Variants in TMEM74 observed in about 807,000 individuals in gnomAD.
TMEM74 encodes the protein transmembrane protein 74.
In TMEM74, 13 loss-of-function variants were observed where a neutral mutation model predicts 18.1. The observed-to-expected ratio is 0.72, with a 90% CI of 0.47 to 1.14. TMEM74 has a LOEUF of 1.14. TMEM74 is among the 50% of genes most tolerant of loss of function. The probability of loss-of-function intolerance (pLI) is 0.00; values close to 1 mark genes in which losing one functional copy is unlikely to be tolerated. For missense variants in TMEM74, 372 were observed against 375.9 expected (o/e 0.99, Z 0.09); for synonymous variants, 159 against 146.6 (o/e 1.08, Z -0.61).
intron 1 of TMEM74, among the ~76,000 whole-genome samples, chr8:108,690,678 C>T (rs958707080): frequency 3.3e-5 from 5 of 152,058 alleles, no homozygotes; most frequent in South Asian, 4.2e-4. Context: ...AAAAATTAGC[C>T]GGGCATGGTG....
Position 108,635,935 on chromosome 8 carries a change from C to T in TMEM74, n.264+19358G>A, listed in dbSNP as rs553494706. ...CAGAGTGGCTAATTTTTGTGATGTC[C>T]TTTCCTTCATTCCTTGATAAAAGAT... On this transcript the variant is annotated intron_variant and non_coding_transcript_variant, in intron 2 of 3. Transcript: ENST00000518838. 2.6e-5 allele frequency among the ~76,000 whole-genome samples: 4 copies of T among 152,218 alleles called. No homozygotes were observed. In the South Asian group the frequency reaches 8.3e-4, roughly 32 times the overall value.
intron 1 of TMEM74, among the ~76,000 whole-genome samples, chr8:108,656,446 A>G (rs1383323883): frequency 6.6e-6 from 1 of 152,188 alleles, no homozygotes; most frequent in Admixed American, 6.5e-5. Context: ...CAGGGGGTTT[A>G]TTTAATAGTC....
At chr8:108,679,097 A>G (rs1407446305) in intron 1 of TMEM74, among the ~76,000 whole-genome samples, 1 of 152,024 alleles carries the variant, frequency 6.6e-6, no homozygotes, top group Non-Finnish European at 1.5e-5. Context: ...TTATGGCTGC[A>G]TAGTATTCCA....
rs1253392022 is a variant in TMEM74, at chr8:108,784,314, C to T, written c.785G>A (p.Arg262Gln). Residue 262 changes from arginine (R) to glutamine (Q), a missense_variant, in exon 2 of 2, where the codon CGA (arginine) becomes CAA (glutamine). Transcript: ENST00000297459. ...CTCTTTGGAAGAGGCAAATCTGTTT[C>T]GACGATAGAGCTCCCCCTTCCACAT... is the stretch of plus-strand genomic sequence containing the variant. ...MSMWKGELYRRNRFASSKESA... is the reference protein window; with the variant it reads ...MSMWKGELYRQNRFASSKESA... 1.9e-6 allele frequency: 3 copies of T among 1,613,910 alleles called. No homozygotes were observed. The highest frequency in any genetic ancestry group is 1.7e-5 in the Admixed American group (1 of 59,986).
In TMEM74 at chr8:108,781,833, C is replaced by G. The variant is rs1053114581; in HGVS notation, c.*2348G>C. On this transcript the variant is annotated 3_prime_UTR_variant, in exon 2 of 2. Coordinates refer to ENST00000297459, the MANE Select transcript of TMEM74 (RefSeq NM_153015.3). ...TCAAAATGTTACCTCTAGATCAAAT[C>G]TATATTATTTGGTAGCCCTGCAAGA... is the stretch of plus-strand genomic sequence containing the variant. Among the ~76,000 whole-genome samples, 11 of 152,152 alleles carry G rather than the reference C, an allele frequency of 7.2e-5. No homozygotes were observed. The highest frequency in any genetic ancestry group is 2.4e-4 in the African/African-American group (10 of 41,518).
intron 1 of TMEM74, among the ~76,000 whole-genome samples, chr8:108,664,858 C>T (rs79452176): frequency 0.026 from 3,907 of 152,094 alleles, 179 homozygotes; most frequent in African/African-American, 0.09. Context: ...TTTGTGTCTC[C>T]GCTATTTTGA....
In TMEM74 at chr8:108,781,527, G is replaced by A. The variant is rs1814306972; in HGVS notation, c.*2654C>T. On this transcript the variant is annotated 3_prime_UTR_variant, in exon 2 of 2. Transcript: ENST00000297459. ...CCCAGGGAAAAGTCGATTAAGGCAA[G>A]TATCTGAATAATGTCACCACAGCCC... is the stretch of plus-strand genomic sequence containing the variant. Among the ~76,000 whole-genome samples the A allele has an allele frequency of 1.3e-5, 2 of 152,172 alleles. No individual in the cohort carries two copies. The highest frequency in any genetic ancestry group is 2.9e-5 in the Non-Finnish European group (2 of 68,022).
At chr8:108,785,444 G>A (rs1030302747) in intron 1 of TMEM74, among the ~76,000 whole-genome samples, 16 of 152,126 alleles carry the variant, frequency 1.1e-4, no homozygotes, top group African/African-American at 3.4e-4. Context: ...TCAAGGACTC[G>A]CGCATTCCTG....
intron 2 of TMEM74, among the ~76,000 whole-genome samples, chr8:108,628,421 G>T (rs563864477): frequency 6.6e-6 from 1 of 152,022 alleles, no homozygotes; most frequent in East Asian, 1.9e-4. Flanking sequence ...TCTACCTGGG[G>T]TTAGTGCAGC....
chr8:108,720,742 A>G (rs1193876819), intron 1 of TMEM74, among the ~76,000 whole-genome samples: 2 of 102,194 alleles, frequency 2.0e-5, no homozygotes, highest in Admixed American at 1.2e-4. Context: ...TTATTTATTT[A>G]TTTATTTATT....
At chr8:108,674,560 A>G (rs1813034511) in intron 1 of TMEM74, among the ~76,000 whole-genome samples, 1 of 152,230 alleles carries the variant, frequency 6.6e-6, no homozygotes, top group Non-Finnish European at 1.5e-5. Flanking sequence ...GTATTACTCC[A>G]TGGAAGCTAT....
At chr8:108,787,066 T>C (rs1814394652) in intron 1 of TMEM74, among the ~76,000 whole-genome samples, 1 of 152,186 alleles carries the variant, frequency 6.6e-6, no homozygotes, top group South Asian at 2.1e-4. Context: ...CTCCCTCTTT[T>C]TCCTCTGATC....
intron 1 of TMEM74, among the ~76,000 whole-genome samples, chr8:108,764,742 A>T (rs1165609258): frequency 6.6e-6 from 1 of 152,142 alleles, no homozygotes; most frequent in Non-Finnish European, 1.5e-5. Flanking sequence ...AAGGAAGGAT[A>T]GCTCTTCTTC....
At chr8:108,770,500 T>C (rs146377568) in intron 1 of TMEM74, among the ~76,000 whole-genome samples, 298 of 152,282 alleles carry the variant, frequency 2.0e-3, no homozygotes, top group African/African-American at 6.9e-3. Flanking sequence ...ATGGATGAAG[T>C]ACAGTTCAGC....
At chr8:108,625,040 T>C (rs970126825) in intron 2 of TMEM74, among the ~76,000 whole-genome samples, 1 of 152,026 alleles carries the variant, frequency 6.6e-6, no homozygotes, top group Non-Finnish European at 1.5e-5. Flanking sequence ...CCACAGAATG[T>C]TCTGTCTTGT....
intron 2 of TMEM74, among the ~76,000 whole-genome samples, chr8:108,614,889 A>G (rs1812368469): frequency 1.3e-5 from 2 of 152,246 alleles, no homozygotes; most frequent in South Asian, 4.1e-4. Context: ...AGGTGTTAGT[A>G]GTATAATGTA....
chr8:108,675,427 G>C (rs1319821881), intron 1 of TMEM74, among the ~76,000 whole-genome samples: 1 of 152,094 alleles, frequency 6.6e-6, no homozygotes, highest in Non-Finnish European at 1.5e-5. Flanking sequence ...AGCTGCCATG[G>C]TACAATGGAC....
At chr8:108,613,704 C>T (rs1279288607) in intron 2 of TMEM74, among the ~76,000 whole-genome samples, 1 of 152,184 alleles carries the variant, frequency 6.6e-6, no homozygotes, top group Non-Finnish European at 1.5e-5. Flanking sequence ...GCCAAGAGGT[C>T]TGAATTCACT....
chr8:108,718,013 C>T lies in TMEM74; in HGVS notation n.120-62576G>A, dbSNP rs1352199997. Among the ~76,000 whole-genome samples the T allele has an allele frequency of 7.0e-4, 39 of 55,772 alleles. 9 individuals are homozygous for T. The African/African-American group carries it at 9.0e-3, about 13-fold the overall frequency. The allele number at this position is 55,772 out of a possible 152,430, so 36.6% of individuals were successfully genotyped here. On this transcript the variant is annotated intron_variant and non_coding_transcript_variant, in intron 1 of 3. Coordinates refer to the TMEM74 transcript ENST00000518838. ...TCGCTCTGTCACCCAGGCTGGAGTG[C>T]AGTGGCGGGATCTCGGCTCACTGCA... is the stretch of plus-strand genomic sequence containing the variant.
Sources: gnomAD v4.1 joint callset for allele counts (sites outside exome capture counted in the v4.1 genomes callset) on GRCh38, gnomAD v4.1.1 for gene constraint, MANE v1.5 for transcripts, NCBI Gene and HGNC (gene_info 2026-07-23, HGNC 2026-07-21) for gene names.